The following USP31 variants were observed in gnomAD, a reference collection of about 807,000 sequenced individuals.
The protein encoded by USP31 is ubiquitin specific peptidase 31.
In USP31, 44 loss-of-function variants were observed where a neutral mutation model predicts 119.4. The observed-to-expected ratio is 0.37, with a 90% CI of 0.29 to 0.47. The LOEUF (loss-of-function observed/expected upper bound fraction) is 0.47, where lower values mean the gene tolerates loss of function less well. Among genes scored for constraint, USP31 ranks in the 20% least tolerant of loss-of-function variants. The pLI is 0.99. For missense variants in USP31, 1,643 were observed against 1,730.2 expected, an observed-to-expected ratio of 0.95 and a Z score of 0.89; for synonymous variants, 749 against 705.6, an observed-to-expected ratio of 1.06 and a Z score of -0.97.
chr16:23,108,181 A>T lies in USP31; in HGVS notation c.636T>A (p.Thr212=), dbSNP rs766874067. 2 of 1,607,966 alleles carry T rather than the reference A, an allele frequency of 1.2e-6. No individual in the cohort carries two copies. Among genetic ancestry groups the T allele is most frequent in the East Asian group, 2.2e-5 (1 of 44,528 alleles). The change falls in exon 2 of 16, where the codon ACT becomes ACA. Residue 212 remains threonine (T), a splice_region_variant and synonymous_variant. Transcript: ENST00000219689. ...YTPQHSRDFK[T]IVSKNALQYR... is the part of the protein sequence containing the mutation. ...ACTGCAGTGCATTCTTTGACACAAT[A>T]GTCTATGCAGGTAAATAAATCACCA...
rs1057134031 is a variant in USP31, at chr16:23,064,264, C to G, written c.*3782G>C. On this transcript the variant is annotated 3_prime_UTR_variant, in exon 16 of 16. Transcript: ENST00000219689. The stretch of plus-strand genomic sequence containing the variant: ...CACTTCGGCTGTTCAGTAATTTGTC[C>G]GAATGAAATGTAACGTCTGATGCCC... The G allele has an allele frequency of 6.6e-6, 1 of 152,470 alleles. No individual in the cohort carries two copies. The highest frequency in any genetic ancestry group is 1.9e-4 in the East Asian group (1 of 5,190). 9.4% of individuals were successfully genotyped at this position (152,470 alleles called of 1,614,324 possible). A position where few individuals can be genotyped will look rare whatever the true frequency, so the allele number is the denominator to read the frequency against.
At chr16:23,075,170 A>C (rs1567226077) in intron 13 of USP31, among the ~76,000 whole-genome samples, 1 of 152,232 alleles carries the variant, frequency 6.6e-6, no homozygotes, top group Non-Finnish European at 1.5e-5. Context: ...ACTTGCCGGA[A>C]CCAGAAGGGA....
At position 23,072,155 on chromosome 16, in the gene USP31, A is replaced by G; in HGVS notation, c.2378T>C (p.Leu793Pro). The part of the protein sequence containing the change: ...SSLCEHWVSR[L>P]PGSKPASVTS... ...CACGCTGGCTGGCTTGCTGCCCGGG[A>G]GCCGGCTCACCCAGTGTTCACACAG... The change falls in exon 15 of 16, where the codon CTC becomes CCC. Residue 793 changes from leucine to proline, a missense_variant. By Grantham distance (98) the Leu-to-Pro change is moderately conservative. Around this residue, in one of 5 missense-constraint regions of USP31, gnomAD observed 279 missense variants for 372.2 expected, o/e 0.75. Coordinates refer to ENST00000219689, the MANE Select transcript of USP31 (RefSeq NM_020718.4). 1 of 1,610,990 alleles carries G rather than the reference A, an allele frequency of 6.2e-7. No individual in the cohort carries two copies. Among genetic ancestry groups the G allele is most frequent in the Non-Finnish European group, 8.5e-7 (1 of 1,179,996 alleles).
intron 12 of USP31, among the ~76,000 whole-genome samples, chr16:23,080,980 A>G (rs934934437): frequency 6.6e-6 from 1 of 152,222 alleles, no homozygotes; most frequent in Non-Finnish European, 1.5e-5. Context: ...TAAGCAGTGC[A>G]CAGAACATGT....
intron 1 of USP31, among the ~76,000 whole-genome samples, chr16:23,112,730 A>G (rs1902361020): frequency 6.6e-6 from 1 of 151,824 alleles, no homozygotes; most frequent in Non-Finnish European, 1.5e-5. Context: ...AGATTTCCTA[A>G]TTTTAAAAAA....
At chr16:23,089,092 T>C (rs576808498) in intron 7 of USP31, among the ~76,000 whole-genome samples, 1 of 152,342 alleles carries the variant, frequency 6.6e-6, no homozygotes, top group African/African-American at 2.4e-5. Context: ...TTTAAGAGAC[T>C]AGCATCATGA....
chr16:23,069,138 G>T lies in USP31; in HGVS notation c.2967C>A (p.Ile989=), dbSNP rs201814190. Residue 989 remains isoleucine, a synonymous_variant, in exon 16 of 16, where the codon ATC becomes ATA. Transcript: ENST00000219689. ...CGGAGTCGCTCTGATCCACATAAGC[G>T]ATCTGATTATTGTTATCAAATGGAC... ...LSGPFDNNNQ[I]AYVDQSDSVD... The T allele has an allele frequency of 1.9e-6, 3 of 1,613,808 alleles. No individual in the cohort carries two copies. Among genetic ancestry groups the T allele is most frequent in the Non-Finnish European group, 2.5e-6 (3 of 1,180,032 alleles).
chr16:23,144,169 T>C (rs1390608788), intron 1 of USP31, among the ~76,000 whole-genome samples: 2 of 152,142 alleles, frequency 1.3e-5, no homozygotes, highest in Admixed American at 1.3e-4. Flanking sequence ...AGAACTCTAA[T>C]TGAAAAACTT....
chr16:23,122,308 C>T (rs1049988820), intron 1 of USP31, among the ~76,000 whole-genome samples: 9 of 152,126 alleles, frequency 5.9e-5, no homozygotes, highest in South Asian at 4.1e-4. Context: ...AAAAGACAGA[C>T]GTTAACAAGT....
Position 23,077,142 on chromosome 16 carries a change from G to C in USP31, c.2176+2804C>G, listed in dbSNP as rs1459561707. Reference sequence around the variant, plus strand: ...TTAACTTTTGTCTTCTATGAAGTGAGAGCATCTTTCAAACTTCTCTAGCTT... The same window carrying C: ...TTAACTTTTGTCTTCTATGAAGTGACAGCATCTTTCAAACTTCTCTAGCTT... On this transcript the variant is annotated intron_variant, in intron 13 of 15. Transcript: ENST00000219689. Among the ~76,000 whole-genome samples the C allele has an allele frequency of 2.6e-5, 4 of 152,196 alleles. No homozygotes were observed. The East Asian group carries it at 7.7e-4, about 29-fold the overall frequency.
intron 1 of USP31, among the ~76,000 whole-genome samples, chr16:23,125,509 A>G (rs1902825606): frequency 6.6e-6 from 1 of 152,274 alleles, no homozygotes; most frequent in East Asian, 1.9e-4. Flanking sequence ...AAAGCAGCCA[A>G]TACTCCTTTC....
chr16:23,112,952 T>C (rs1362738672), intron 1 of USP31, among the ~76,000 whole-genome samples: 2 of 150,898 alleles, frequency 1.3e-5, no homozygotes, highest in East Asian at 3.9e-4. Flanking sequence ...CGCTTGAACC[T>C]GGGAGGTGGA....
In USP31 at chr16:23,149,040, G is replaced by A. The variant is rs1453921834; in HGVS notation, c.231C>T (p.His77=). ...RVLKTLSTLS[H]LSSEGAAPDR... is the part of the protein sequence containing the mutation. Reference sequence around the variant, plus strand: ...CTGGGGCGGCGCCCTCAGAGCTAAGGTGCGAGAGCGTGGACAGCGTCTTGA... The same window carrying A: ...CTGGGGCGGCGCCCTCAGAGCTAAGATGCGAGAGCGTGGACAGCGTCTTGA... Residue 77 remains histidine (H), a synonymous_variant, in exon 1 of 16, where the codon CAC becomes CAT. Transcript: ENST00000219689. 3.6e-5 allele frequency: 44 copies of A among 1,239,172 alleles called. No homozygotes were observed. Among genetic ancestry groups the A allele is most frequent in the Non-Finnish European group, 4.4e-5 (42 of 965,354 alleles). The allele number at this position is 1,239,172 out of a possible 1,614,324, so 76.8% of individuals were successfully genotyped here. A position where few individuals can be genotyped will look rare whatever the true frequency, so the allele number is the denominator to read the frequency against.
rs34280716 is a variant in USP31 at position 23,085,874 on chromosome 16, T to C, written c.1623-212A>G. On this transcript the variant is annotated intron_variant, in intron 9 of 15. Coordinates refer to ENST00000219689, the MANE Select transcript of USP31 (RefSeq NM_020718.4). ...TCAACTAAACTGAAAAACCCTTAAA[T>C]TAAAAAGCCCAATACAGTACTAATA... 0.17 allele frequency among the ~76,000 whole-genome samples: 25,428 copies of C among 152,120 alleles called. 2,637 individuals are homozygous for C. The highest frequency in any genetic ancestry group is 0.26 in the Admixed American group (4,015 of 15,278).
At position 23,083,104 on chromosome 16, in the gene USP31, A is replaced by C. The variant is rs150622652; in HGVS notation, c.1831-547T>G. Among the ~76,000 whole-genome samples the C allele has an allele frequency of 4.6e-5, 7 of 152,234 alleles. No homozygotes were observed. The East Asian group carries it at 1.4e-3, about 29-fold the overall frequency. On this transcript the variant is annotated intron_variant, in intron 11 of 15. Coordinates refer to ENST00000219689, the MANE Select transcript of USP31 (RefSeq NM_020718.4). Reference sequence around the variant, plus strand: ...CTCAGCCTCCCAAAGTGCTGGGATTACAAGCGTGAGCCACTGCGCCCGGCC... The same window carrying C: ...CTCAGCCTCCCAAAGTGCTGGGATTCCAAGCGTGAGCCACTGCGCCCGGCC...
chr16:23,131,260 C>G (rs1903022678), intron 1 of USP31, among the ~76,000 whole-genome samples: 1 of 152,152 alleles, frequency 6.6e-6, no homozygotes. Flanking sequence ...TATGATCATG[C>G]CACTGCACTC....
chr16:23,144,666 G>C (rs1903454800), intron 1 of USP31, among the ~76,000 whole-genome samples: 1 of 151,944 alleles, frequency 6.6e-6, no homozygotes, highest in South Asian at 2.1e-4. Flanking sequence ...TTTTTTAGTA[G>C]AGATGGGGTT....
chr16:23,087,866 A>C (rs1567231168), intron 7 of USP31, 31 bp from the exon 8 acceptor site: 2 of 1,558,360 alleles, frequency 1.3e-6, no homozygotes, highest in African/African-American at 2.7e-5. Flanking sequence ...AATCACCTTT[A>C]AAGTACGGTA....
intron 1 of USP31, among the ~76,000 whole-genome samples, chr16:23,130,058 A>T (rs1443789174): frequency 6.6e-6 from 1 of 152,168 alleles, no homozygotes; most frequent in Non-Finnish European, 1.5e-5. Context: ...AGAATGCATC[A>T]CTTGCCTCAG....
Sources: allele counts gnomAD v4.1 joint callset (sites outside exome capture counted in the v4.1 genomes callset), GRCh38; gene constraint gnomAD v4.1.1; regional missense constraint gnomAD v4.1.1; transcripts MANE v1.5; gene names NCBI Gene and HGNC (gene_info 2026-07-23, HGNC 2026-07-21).